IQCM: variants seen among roughly 807,000 people sequenced by gnomAD.
IQCM encodes IQ motif containing M.
Under a neutral mutation model 57.6 loss-of-function variants are expected in IQCM, and 45 were observed. The observed-to-expected ratio is 0.78, with a 90% CI of 0.62 to 1.00. The LOEUF is 1.00. Ranked by LOEUF, IQCM falls within the 50% of genes least tolerant of loss-of-function variation. IQCM has a pLI of 0.00. For missense variants in IQCM, 468 were observed against 511.6 expected (o/e 0.91, Z 0.82); for synonymous variants, 148 against 158.9 (o/e 0.93, Z 0.51).
At chr4:149,468,268 C>T (rs1045197153) in intron 12 of IQCM, among the ~76,000 whole-genome samples, 16 of 152,260 alleles carry the variant, frequency 1.1e-4, no homozygotes, top group Non-Finnish European at 1.9e-4. Flanking sequence ...AATCAGGACA[C>T]GCCCACCCTA....
At chr4:149,572,647 A>C (rs1375715133) in intron 9 of IQCM, among the ~76,000 whole-genome samples, 1 of 152,034 alleles carries the variant, frequency 6.6e-6, no homozygotes, top group Non-Finnish European at 1.5e-5. Flanking sequence ...TTTTTGTGAG[A>C]ACCACACAAC....
At chr4:149,545,707 A>G (rs1444027717) in intron 12 of IQCM, among the ~76,000 whole-genome samples, 1 of 152,188 alleles carries the variant, frequency 6.6e-6, no homozygotes, top group Non-Finnish European at 1.5e-5. Context: ...AAATAAATGA[A>G]ATCAGTTTGT....
chr4:149,449,098 A>G (rs916529820), intron 12 of IQCM, among the ~76,000 whole-genome samples: 1 of 151,300 alleles, frequency 6.6e-6, no homozygotes, highest in East Asian at 1.9e-4. Flanking sequence ...TTAGCAATAT[A>G]CAAAATAAAA....
chr4:149,757,209 G>A (rs1045100784), intron 2 of IQCM, among the ~76,000 whole-genome samples: 1 of 151,704 alleles, frequency 6.6e-6, no homozygotes, highest in Non-Finnish European at 1.5e-5. Context: ...AGTGAGCCAA[G>A]ATCCCACCAC....
intron 8 of IQCM, among the ~76,000 whole-genome samples, chr4:149,611,915 T>C (rs1439055305): frequency 6.6e-6 from 1 of 152,070 alleles, no homozygotes; most frequent in Non-Finnish European, 1.5e-5. Context: ...ATATCATATG[T>C]ACCCCATGAA....
chr4:149,527,589 G>A (rs1310763172), intron 12 of IQCM, among the ~76,000 whole-genome samples: 3 of 152,144 alleles, frequency 2.0e-5, no homozygotes, highest in South Asian at 2.1e-4. Flanking sequence ...AGCCACCCAC[G>A]CTATAGTATT....
intron 5 of IQCM, among the ~76,000 whole-genome samples, chr4:149,720,448 C>T (rs930231284): frequency 6.6e-6 from 1 of 152,084 alleles, no homozygotes; most frequent in African/African-American, 2.4e-5. Flanking sequence ...CTGCAGGAAA[C>T]CAAGTTGCTC....
chr4:149,414,669 T>C (rs1295566247), intron 13 of IQCM, among the ~76,000 whole-genome samples: 2 of 152,086 alleles, frequency 1.3e-5, no homozygotes, highest in Non-Finnish European at 2.9e-5. Context: ...TTTTCAATTA[T>C]ATAACTAAGA....
intron 8 of IQCM, among the ~76,000 whole-genome samples, chr4:149,590,229 A>AT (rs1165022245): frequency 2.3e-5 from 1 of 44,308 alleles, no homozygotes; most frequent in Non-Finnish European, 4.9e-5. Context: ...TTAGCAATTG[A>AT]TTTTTTCTTT....
At chr4:149,655,666 T>C (rs755877363) in intron 7 of IQCM, among the ~76,000 whole-genome samples, 11 of 152,134 alleles carry the variant, frequency 7.2e-5, no homozygotes, top group Non-Finnish European at 1.6e-4. Flanking sequence ...AGTAACTATA[T>C]TGATAAACTT....
At chr4:149,595,679 A>T (rs1753708989) in intron 8 of IQCM, among the ~76,000 whole-genome samples, 1 of 152,160 alleles carries the variant, frequency 6.6e-6, no homozygotes, top group South Asian at 2.1e-4. Flanking sequence ...CACATGCAGA[A>T]TCAGGAGGTA....
intron 5 of IQCM, among the ~76,000 whole-genome samples, chr4:149,722,512 C>G (rs559501586): frequency 6.6e-6 from 1 of 152,108 alleles, no homozygotes; most frequent in African/African-American, 2.4e-5. Flanking sequence ...ATGTGGGTAT[C>G]CAATTTTCCT....
At chr4:149,693,121 A>ATTTG (rs1412095270) in intron 5 of IQCM, among the ~76,000 whole-genome samples, 1 of 152,146 alleles carries the variant, frequency 6.6e-6, no homozygotes, top group Non-Finnish European at 1.5e-5. Flanking sequence ...GAGCTCAATC[A>ATTTG]TTTGTTCATC....
intron 8 of IQCM, among the ~76,000 whole-genome samples, chr4:149,605,799 TC>T (rs1236141294): frequency 7.0e-6 from 1 of 142,140 alleles, no homozygotes; most frequent in East Asian, 2.0e-4. Context: ...CTCCCCCAAC[TC>T]CTGAGTCACT....
Position 149,815,331 on chromosome 4 carries a change from G to C in IQCM, c.-69C>G, listed in dbSNP as rs951569076. On this transcript the variant is annotated 5_prime_UTR_variant, in exon 2 of 14. Coordinates refer to ENST00000636793, the MANE Select transcript of IQCM (RefSeq NM_001363507.2). ...TCTACCTTAAAGTTTTTCATTCCAA[G>C]GTCATTTGTTCTTCTTCCTAGAAGG... 1.3e-5 allele frequency: 2 copies of C among 151,858 alleles called. No homozygotes were observed. The highest frequency in any genetic ancestry group is 4.8e-5 in the African/African-American group (2 of 41,380). The allele number at this position is 151,858 out of a possible 1,614,324, so 9.4% of individuals were successfully genotyped here.
chr4:149,658,058 T>C (rs1561116087), intron 7 of IQCM, among the ~76,000 whole-genome samples: 1 of 152,126 alleles, frequency 6.6e-6, no homozygotes, highest in Non-Finnish European at 1.5e-5. Flanking sequence ...TTTTGTTCCC[T>C]GTGCATTTGA....
intron 13 of IQCM, among the ~76,000 whole-genome samples, chr4:149,406,729 A>G (rs191480823): frequency 2.2e-4 from 34 of 152,300 alleles, no homozygotes; most frequent in Admixed American, 1.2e-3. Flanking sequence ...AATATTTTCA[A>G]TGTTTTCTAC....
chr4:149,508,947 GTT>G (rs1172891864), intron 12 of IQCM, among the ~76,000 whole-genome samples: 1 of 152,268 alleles, frequency 6.6e-6, no homozygotes, highest in African/African-American at 2.4e-5. Context: ...AGATCGGATG[GTT>G]TTAAAAAGGG....
chr4:149,809,993 CCT>C (rs992785339), intron 2 of IQCM, among the ~76,000 whole-genome samples: 37 of 151,102 alleles, frequency 2.4e-4, no homozygotes, highest in Non-Finnish European at 1.5e-5. Context: ...AGGTTTCTTT[CCT>C]CTCTCTCTCT....
Sources: gnomAD v4.1 joint callset for allele counts (sites outside exome capture counted in the v4.1 genomes callset) on GRCh38, gnomAD v4.1.1 for gene constraint, MANE v1.5 for transcripts, NCBI Gene and HGNC (gene_info 2026-07-23, HGNC 2026-07-21) for gene names.